ELF1: variants seen among roughly 807,000 people sequenced by gnomAD.
ELF1 encodes the protein ETS-related transcription factor Elf-1.
Under a neutral mutation model 59.9 loss-of-function variants are expected in ELF1, and 24 were observed. The ratio of observed to expected loss-of-function variants is 0.40; its 90% CI spans 0.29 to 0.56. ELF1 has a LOEUF of 0.56. Among genes scored for constraint, ELF1 ranks in the 20% least tolerant of loss-of-function variants. The pLI is 0.44. For synonymous variants in ELF1, 248 were observed against 266.2 expected, an observed-to-expected ratio of 0.93 and a Z score of 0.67; for missense variants, 627 against 742.2, an observed-to-expected ratio of 0.84 and a Z score of 1.80.
chr13:40,963,121 C>T (rs930890965), intron 2 of ELF1, among the ~76,000 whole-genome samples: 19 of 152,272 alleles, frequency 1.2e-4, no homozygotes, highest in Admixed American at 1.0e-3. Context: ...CTGGACTATC[C>T]ATTTTACACA....
intron 3 of ELF1, among the ~76,000 whole-genome samples, chr13:40,953,542 C>G (rs1352501582): frequency 6.6e-6 from 1 of 152,182 alleles, no homozygotes; most frequent in African/African-American, 2.4e-5. Flanking sequence ...AAGGAATTAA[C>G]TCTACCAATA....
chr13:41,054,942 A>G (rs1347849021), intron 1 of ELF1, among the ~76,000 whole-genome samples: 1 of 152,234 alleles, frequency 6.6e-6, no homozygotes, highest in Admixed American at 6.5e-5. Context: ...CTCCTTGTCA[A>G]GGGGCTTCGT....
chr13:40,948,343 A>T (rs1198863032), intron 5 of ELF1, among the ~76,000 whole-genome samples: 2 of 152,164 alleles, frequency 1.3e-5, no homozygotes, highest in Non-Finnish European at 2.9e-5. Context: ...CTTTCCCCCA[A>T]GAGGGTATAT....
chr13:41,015,532 ACT>A (rs1875309104), intron 1 of ELF1, among the ~76,000 whole-genome samples: 1 of 152,124 alleles, frequency 6.6e-6, no homozygotes, highest in Non-Finnish European at 1.5e-5. Context: ...AAACCTGTAA[ACT>A]CTCTTTCTGA....
At position 40,982,117 on chromosome 13, in the gene ELF1, C is replaced by T; in HGVS notation, c.-63G>A. 1 of 1,580,954 alleles carries T rather than the reference C, an allele frequency of 6.3e-7. No homozygotes were observed. The highest frequency in any genetic ancestry group is 1.8e-5 in the Admixed American group (1 of 56,492). Reference sequence around the variant, plus strand: ...CCAAGAAGATTCACGTATCAGGCAGCAAAATCCAGTGACTGATTTGGGTAA... The same window carrying T: ...CCAAGAAGATTCACGTATCAGGCAGTAAAATCCAGTGACTGATTTGGGTAA... On this transcript the variant is annotated 5_prime_UTR_variant, in exon 2 of 9. Transcript: ENST00000239882.
chr13:40,999,458 G>A (rs910091576), intron 1 of ELF1, among the ~76,000 whole-genome samples: 18 of 152,190 alleles, frequency 1.2e-4, no homozygotes, highest in African/African-American at 4.1e-4. Context: ...TTTAGAGATA[G>A]TTAACAGCCT....
intron 2 of ELF1, among the ~76,000 whole-genome samples, chr13:40,963,712 T>C (rs1176288505): frequency 6.6e-6 from 1 of 152,034 alleles, no homozygotes; most frequent in Admixed American, 6.6e-5. Context: ...ATTGAGAACA[T>C]CCTGGCCAAC....
chr13:40,969,091 C>CATA (rs1872366971), intron 2 of ELF1, among the ~76,000 whole-genome samples: 1 of 152,100 alleles, frequency 6.6e-6, no homozygotes, highest in Non-Finnish European at 1.5e-5. Flanking sequence ...TTGTAGTACC[C>CATA]ACTGCTCAAC....
intron 1 of ELF1, among the ~76,000 whole-genome samples, chr13:41,032,864 AAC>A (rs201152008): frequency 0.051 from 7,749 of 150,586 alleles, 439 homozygotes; most frequent in East Asian, 0.21. Flanking sequence ...AAAAAAAAAA[AAC>A]AAACCAAAGA....
chr13:41,017,705 C>G (rs530275568), intron 1 of ELF1, among the ~76,000 whole-genome samples: 1 of 151,982 alleles, frequency 6.6e-6, no homozygotes, highest in African/African-American at 2.4e-5. Flanking sequence ...CCAAATTCCT[C>G]TACTTCTCTT....
At chr13:40,972,326 A>C (rs559002828) in intron 2 of ELF1, among the ~76,000 whole-genome samples, 2 of 152,340 alleles carry the variant, frequency 1.3e-5, no homozygotes, top group South Asian at 4.1e-4. Flanking sequence ...TGTCGAAACA[A>C]ATGTTAAAGG....
In ELF1 at chr13:41,037,607, CA is replaced by C. The variant is rs1373152135; in HGVS notation, c.-229+23230del. On this transcript the variant is annotated intron_variant, in intron 1 of 1. Transcript: ENST00000405737. ...GTCAGGAGTTTGAGACCAGCCTGGC[CA>C]ATATGGTGAAACCTCATCTCTACTA... Among the ~76,000 whole-genome samples, 4 of 151,962 alleles carry C rather than the reference CA, an allele frequency of 2.6e-5. No individual in the cohort carries two copies. In the East Asian group the frequency reaches 7.8e-4, roughly 30 times the overall value.
intron 1 of ELF1, among the ~76,000 whole-genome samples, chr13:41,001,966 T>C (rs1006681819): frequency 5.3e-5 from 8 of 152,180 alleles, no homozygotes; most frequent in Non-Finnish European, 7.4e-5. Flanking sequence ...ATCTAACTCC[T>C]AGTTACAATC....
At chr13:41,024,292 T>A (rs188206612), upstream of ELF1, among the ~76,000 whole-genome samples, 142 of 151,962 alleles carry the variant, frequency 9.3e-4, 1 homozygote, top group African/African-American at 3.3e-3. Context: ...CTGCTGTTTT[T>A]GTTTGTTTGT....
At chr13:40,962,801 C>T (rs1011162101) in intron 2 of ELF1, among the ~76,000 whole-genome samples, 1 of 152,118 alleles carries the variant, frequency 6.6e-6, no homozygotes, top group African/African-American at 2.4e-5. Flanking sequence ...CCTTCTCCAA[C>T]CCTGATTTCA....
intron 1 of ELF1, among the ~76,000 whole-genome samples, chr13:41,012,155 A>G (rs1018832933): frequency 2.0e-4 from 31 of 151,934 alleles, no homozygotes; most frequent in African/African-American, 7.3e-4. Flanking sequence ...AAAAAAATAC[A>G]AAGATAAATT....
chr13:41,021,297 G>C (rs2138394085), upstream of ELF1, among the ~76,000 whole-genome samples: 1 of 152,308 alleles, frequency 6.6e-6, no homozygotes, highest in African/African-American at 2.4e-5. Flanking sequence ...GTAATGTGAA[G>C]AGAATTAAAG....
intron 1 of ELF1, among the ~76,000 whole-genome samples, chr13:41,044,035 G>C (rs900191963): frequency 3.9e-5 from 6 of 152,058 alleles, no homozygotes; most frequent in Non-Finnish European, 8.8e-5. Context: ...TGGATTCCTA[G>C]GTATTTTATT....
At chr13:41,013,299 T>G (rs1307716268) in intron 1 of ELF1, among the ~76,000 whole-genome samples, 1 of 152,160 alleles carries the variant, frequency 6.6e-6, no homozygotes, top group Non-Finnish European at 1.5e-5. Context: ...ACTTCTACAT[T>G]TATGTCCCGG....
Sources: gnomAD v4.1 joint callset for allele counts (sites outside exome capture counted in the v4.1 genomes callset) on GRCh38, gnomAD v4.1.1 for gene constraint, MANE v1.5 for transcripts, NCBI Gene and HGNC (gene_info 2026-07-23, HGNC 2026-07-21) for gene names.